EXOC6B: variants seen among roughly 807,000 people sequenced by gnomAD.
The protein encoded by EXOC6B is exocyst complex component 6B.
A neutral mutation model predicts 113.5 loss-of-function variants in EXOC6B; 54 were observed. That is an observed-to-expected ratio of 0.48 (90% CI 0.38 to 0.60). EXOC6B has a LOEUF of 0.60. Ranked by LOEUF, EXOC6B falls within the 20% of genes least tolerant of loss-of-function variation. The pLI is 0.00. For synonymous variants in EXOC6B, 357 were observed against 339.0 expected (o/e 1.05, Z -0.58); for missense variants, 797 against 977.5 (o/e 0.82, Z 2.46).
intron 6 of EXOC6B, among the ~76,000 whole-genome samples, chr2:72,649,728 T>C (rs2104394711): frequency 6.6e-6 from 1 of 152,194 alleles, no homozygotes; most frequent in South Asian, 2.1e-4. Context: ...ACACACATAA[T>C]TCAATGGAAC....
chr2:72,699,320 A>G lies in EXOC6B; in HGVS notation c.669+18783T>C, dbSNP rs189536434. On this transcript the variant is annotated intron_variant, in intron 6 of 21. Coordinates refer to ENST00000272427, the MANE Select transcript of EXOC6B (RefSeq NM_015189.3). ...TGATGAAACCCTGTCTCTACTAAAA[A>G]TACGAAAAATTAGCTGGGCATGGTG... is the stretch of plus-strand genomic sequence containing the variant. 1.3e-3 allele frequency among the ~76,000 whole-genome samples: 192 copies of G among 152,276 alleles called. 1 individual carries two copies. Among genetic ancestry groups the G allele is most frequent in the African/African-American group, 4.5e-3 (186 of 41,542 alleles).
chr2:72,438,254 C>T (rs1389621687), intron 18 of EXOC6B, among the ~76,000 whole-genome samples: 1 of 151,354 alleles, frequency 6.6e-6, no homozygotes, highest in East Asian at 1.9e-4. Flanking sequence ...AGAAAAACAC[C>T]AGAAAGAAAA....
At chr2:72,549,565 G>A (rs962663921) in intron 8 of EXOC6B, among the ~76,000 whole-genome samples, 1 of 152,130 alleles carries the variant, frequency 6.6e-6, no homozygotes, top group Non-Finnish European at 1.5e-5. Context: ...TGGGCAGGAG[G>A]GGCAAGACAT....
chr2:72,399,307 A>G (rs1050464400), intron 18 of EXOC6B, among the ~76,000 whole-genome samples: 4 of 152,230 alleles, frequency 2.6e-5, no homozygotes, highest in African/African-American at 9.6e-5. Context: ...ATCATACTGA[A>G]CAGGGAAATG....
Position 72,517,732 on chromosome 2 carries a change from C to T in EXOC6B, c.916-2606G>A, listed in dbSNP as rs80102456. The stretch of plus-strand genomic sequence containing the variant: ...TTACATATTCAATATGCTTTGGAGC[C>T]AAGACACACTTACTTGAGAATTTAG... On this transcript the variant is annotated intron_variant, in intron 8 of 21. Coordinates refer to ENST00000272427, the MANE Select transcript of EXOC6B (RefSeq NM_015189.3). 3.7e-4 allele frequency among the ~76,000 whole-genome samples: 57 copies of T among 152,154 alleles called. No homozygotes were observed. In the South Asian group the frequency reaches 0.01, roughly 28 times the overall value.
chr2:72,520,398 T>C (rs1701424987), intron 8 of EXOC6B, among the ~76,000 whole-genome samples: 1 of 152,236 alleles, frequency 6.6e-6, no homozygotes, highest in African/African-American at 2.4e-5. Flanking sequence ...TGTTCCTGTT[T>C]CATAGAGGCA....
chr2:72,336,625 G>A lies in EXOC6B; in HGVS notation c.2123-1605C>T, dbSNP rs144301704. On this transcript the variant is annotated intron_variant, in intron 19 of 21. Coordinates refer to ENST00000272427, the MANE Select transcript of EXOC6B (RefSeq NM_015189.3). Reference sequence around the variant, plus strand: ...ATATGGCATGCTTGGCAGTACTAAAGTTTCTATTTGCTTTGAGAAGAAAAT... The same window carrying A: ...ATATGGCATGCTTGGCAGTACTAAAATTTCTATTTGCTTTGAGAAGAAAAT... 4.8e-3 allele frequency among the ~76,000 whole-genome samples: 730 copies of A among 152,158 alleles called. 8 individuals carry two copies. The highest frequency in any genetic ancestry group is 0.016 in the African/African-American group (678 of 41,500).
intron 20 of EXOC6B, among the ~76,000 whole-genome samples, chr2:72,226,055 G>A (rs938978650): frequency 6.6e-6 from 1 of 152,016 alleles, no homozygotes; most frequent in Non-Finnish European, 1.5e-5. Context: ...ACTAGAAATC[G>A]AATGTAAAAC....
intron 8 of EXOC6B, among the ~76,000 whole-genome samples, chr2:72,543,880 C>CA (rs1702758131): frequency 6.6e-6 from 1 of 152,164 alleles, no homozygotes; most frequent in Non-Finnish European, 1.5e-5. Context: ...TGTTAAGTGT[C>CA]AGAGACGGAC....
intron 6 of EXOC6B, among the ~76,000 whole-genome samples, chr2:72,671,773 A>G (rs1000476055): frequency 2.9e-5 from 3 of 105,016 alleles, no homozygotes; most frequent in South Asian, 2.9e-4. Context: ...GAAAGAAAGA[A>G]AGAAAGAAAG....
intron 20 of EXOC6B, among the ~76,000 whole-genome samples, chr2:72,199,018 A>G (rs1269271217): frequency 6.6e-6 from 1 of 152,226 alleles, no homozygotes; most frequent in Non-Finnish European, 1.5e-5. Flanking sequence ...AGCAGAGCAG[A>G]AACTCAATGA....
At chr2:72,508,763 ACT>A (rs1169668875) in intron 11 of EXOC6B, among the ~76,000 whole-genome samples, 3 of 152,050 alleles carry the variant, frequency 2.0e-5, no homozygotes, top group Admixed American at 2.0e-4. Flanking sequence ...GACAGGCAAG[ACT>A]CTGTCTCAAA....
intron 18 of EXOC6B, among the ~76,000 whole-genome samples, chr2:72,394,494 T>C (rs903654477): frequency 6.6e-6 from 1 of 152,060 alleles, no homozygotes; most frequent in African/African-American, 2.4e-5. Context: ...GGCTTAAAAA[T>C]TGAAATGGAG....
At chr2:72,552,136 T>C (rs1573377986) in intron 8 of EXOC6B, among the ~76,000 whole-genome samples, 1 of 152,342 alleles carries the variant, frequency 6.6e-6, no homozygotes, top group South Asian at 2.1e-4. Context: ...ATGTTGGTAC[T>C]GGCGGATATA....
chr2:72,676,776 A>C (rs959306370), intron 6 of EXOC6B, among the ~76,000 whole-genome samples: 1 of 152,174 alleles, frequency 6.6e-6, no homozygotes, highest in Non-Finnish European at 1.5e-5. Context: ...ACTCTAACCA[A>C]AGAGGGCAAG....
intron 6 of EXOC6B, among the ~76,000 whole-genome samples, chr2:72,683,437 G>A (rs1199510294): frequency 6.6e-6 from 1 of 152,098 alleles, no homozygotes; most frequent in Non-Finnish European, 1.5e-5. Context: ...GGGGTGAATG[G>A]AATGGCTATA....
chr2:72,797,839 T>TA (rs1357496676), intron 1 of EXOC6B, among the ~76,000 whole-genome samples: 1 of 130,856 alleles, frequency 7.6e-6, no homozygotes, highest in Admixed American at 7.3e-5. Context: ...AATTAATTAA[T>TA]AATAATAATT....
chr2:72,633,740 T>C (rs1357881712), intron 6 of EXOC6B, among the ~76,000 whole-genome samples: 1 of 152,186 alleles, frequency 6.6e-6, no homozygotes, highest in Non-Finnish European at 1.5e-5. Flanking sequence ...ATCAAACTGC[T>C]GAAGTGTCTA....
At chr2:72,397,556 G>T (rs1457205530) in intron 18 of EXOC6B, among the ~76,000 whole-genome samples, 1 of 149,802 alleles carries the variant, frequency 6.7e-6, no homozygotes, top group African/African-American at 2.5e-5. Context: ...GGAGGCAGAG[G>T]TTGCAGTAAG....
Sources: allele counts gnomAD v4.1 joint callset (sites outside exome capture counted in the v4.1 genomes callset), GRCh38; gene constraint gnomAD v4.1.1; transcripts MANE v1.5; gene names NCBI Gene and HGNC (gene_info 2026-07-23, HGNC 2026-07-21).